The following CDH23 variants were observed in gnomAD, a reference collection of about 807,000 sequenced individuals.
CDH23 encodes cadherin related 23, also known as cadherin-23.
Under a neutral mutation model 317.1 loss-of-function variants are expected in CDH23, and 189 were observed. That is an observed-to-expected ratio of 0.60 (90% CI 0.53 to 0.67). The LOEUF is 0.67. Among genes scored for constraint, CDH23 ranks in the 30% least tolerant of loss-of-function variants. The pLI, the probability that CDH23 is intolerant of heterozygous loss-of-function variation, is 0.00. For synonymous variants in CDH23, 1,839 were observed against 1,876.8 expected (o/e 0.98, Z 0.52); for missense variants, 4,401 against 4,592.4 (o/e 0.96, Z 1.20).
chr10:71,655,071 A>T (rs1863360421), intron 14 of CDH23, among the ~76,000 whole-genome samples: 1 of 152,164 alleles, frequency 6.6e-6, no homozygotes, highest in South Asian at 2.1e-4. Context: ...CAGTGCCATG[A>T]TGCCACAATT....
chr10:71,465,855 G>A (rs181962632), intron 3 of CDH23, among the ~76,000 whole-genome samples: 92 of 151,868 alleles, frequency 6.1e-4, no homozygotes, highest in Admixed American at 2.1e-3. Context: ...AATTAGTGCC[G>A]GGTACTGAAC....
At chr10:71,587,024 G>A (rs1227296213) in intron 9 of CDH23, among the ~76,000 whole-genome samples, 2 of 152,232 alleles carry the variant, frequency 1.3e-5, no homozygotes, top group Non-Finnish European at 1.5e-5. Context: ...CTCTCTGGAT[G>A]TGTGCAAGAG....
intron 53 of CDH23, 102 bp downstream of exon 53, chr10:71,800,857 C>T (rs1841538993): frequency 2.7e-6 from 4 of 1,479,540 alleles, no homozygotes; most frequent in Non-Finnish European, 1.8e-6. Flanking sequence ...GGAGCAGAGC[C>T]CCCCGGTCCC....
rs1240497462 is a variant in CDH23 at position 71,677,406 on chromosome 10, C to T, written c.1515-50C>T. The T allele has an allele frequency of 1.2e-5, 17 of 1,462,758 alleles. No individual in the cohort carries two copies. In the African/African-American group the frequency reaches 1.7e-4, roughly 14 times the overall value. 90.6% of individuals were successfully genotyped at this position (1,462,758 alleles called of 1,614,324 possible). Reference sequence around the variant, plus strand: ...GGAAATGCCGGCCCCATCAACAAGCCTGTTTTAAACCACGGTGTTCCTTCT... The same window carrying T: ...GGAAATGCCGGCCCCATCAACAAGCTTGTTTTAAACCACGGTGTTCCTTCT... On this transcript the variant is annotated intron_variant, in intron 15 of 69. Coordinates refer to ENST00000224721, the MANE Select transcript of CDH23 (RefSeq NM_022124.6).
At chr10:71,564,419 A>G (rs1433001158) in intron 6 of CDH23, among the ~76,000 whole-genome samples, 2 of 152,226 alleles carry the variant, frequency 1.3e-5, no homozygotes, top group Non-Finnish European at 2.9e-5. Flanking sequence ...GCCCATTTAA[A>G]ACCTTCTCTA....
At chr10:71,647,077 T>A in intron 14 of CDH23, 14 of 985,408 alleles carry the variant, frequency 1.4e-5, no homozygotes, top group Non-Finnish European at 1.7e-5. Context: ...CCTCCCAGTG[T>A]CATTTGTATC....
intron 1 of CDH23, among the ~76,000 whole-genome samples, chr10:71,411,058 T>C (rs1017908744): frequency 6.6e-6 from 1 of 152,252 alleles, no homozygotes; most frequent in Admixed American, 6.5e-5. Context: ...GTAGTCTTGA[T>C]ATTGCCAGTG....
intron 3 of CDH23, among the ~76,000 whole-genome samples, chr10:71,497,602 G>A (rs7069884): frequency 0.017 from 2,593 of 152,292 alleles, 59 homozygotes; most frequent in African/African-American, 0.054. Context: ...CTTGGGAGCC[G>A]GGTTGGGTCT....
At chr10:71,803,509 G>A (rs1841619662) in intron 55 of CDH23, 89 bp downstream of exon 55, 2 of 1,212,264 alleles carry the variant, frequency 1.6e-6, no homozygotes, top group African/African-American at 3.1e-5. Flanking sequence ...CTCTAAAGGT[G>A]GGGAAACTTG....
chr10:71,724,208 C>T lies in CDH23; in HGVS notation c.3430+103C>T, dbSNP rs182261366. On this transcript the variant is annotated intron_variant, in intron 29 of 69. Coordinates refer to ENST00000224721, the MANE Select transcript of CDH23 (RefSeq NM_022124.6). ...CTGGGAGATGAGGCCAAGAGAACCC[C>T]CAGGGCCATATACATGGGGCGAGGC... 3.6e-4 allele frequency: 461 copies of T among 1,269,130 alleles called. 2 individuals are homozygous for T. The African/African-American group carries it at 5.4e-3, about 15-fold the overall frequency. 78.6% of individuals were successfully genotyped at this position (1,269,130 alleles called of 1,614,324 possible).
chr10:71,592,003 A>G (rs923365668), intron 9 of CDH23, among the ~76,000 whole-genome samples: 4 of 152,188 alleles, frequency 2.6e-5, no homozygotes, highest in African/African-American at 9.7e-5. Context: ...AGAAACATTT[A>G]AAGGACAGTG....
Position 71,694,181 on chromosome 10 carries a change from G to T in CDH23, c.2211G>T (p.Glu737Asp), listed in dbSNP as rs1865287338. 5.6e-6 allele frequency: 9 copies of T among 1,613,630 alleles called. No individual in the cohort carries two copies. Among genetic ancestry groups the T allele is most frequent in the African/African-American group, 1.3e-5 (1 of 74,866 alleles). Residue 737 changes from glutamate (E) to aspartate (D), a missense_variant, in exon 21 of 70, where the codon GAG (glutamate) becomes GAT (aspartate). Coordinates refer to ENST00000224721, the MANE Select transcript of CDH23 (RefSeq NM_022124.6). ...CCACCACGTCTCTGCTTGACCGAGA[G>T]ACCAAGTCTGAATACATCCTCATCG... The part of the protein sequence containing the change: ...EITTTSLLDR[E>D]TKSEYILIVR...
chr10:71,734,764 C>A (rs978101929), intron 34 of CDH23, 106 bp downstream of exon 34: 4 of 679,970 alleles, frequency 5.9e-6, no homozygotes, highest in South Asian at 1.3e-5. Context: ...AGAGAAGGCA[C>A]GTGGACAGGC....
chr10:71,426,222 T>C, intron 1 of CDH23, among the ~76,000 whole-genome samples: 1 of 152,148 alleles, frequency 6.6e-6, no homozygotes, highest in East Asian at 1.9e-4. Context: ...GGAGCAGTGA[T>C]GGGGTCAGCA....
At chr10:71,502,898 C>T (rs1314754723) in intron 3 of CDH23, among the ~76,000 whole-genome samples, 1 of 152,206 alleles carries the variant, frequency 6.6e-6, no homozygotes, top group Non-Finnish European at 1.5e-5. Flanking sequence ...AATAAAAAGC[C>T]CTGCAGCCTG....
In CDH23 at chr10:71,533,560, C is replaced by CACACACACAA. The variant is rs1554835387; in HGVS notation, c.429+22357_429+22358insAACACACACA. ...ACACACACACACACACACACACACA[C>CACACACACAA]ACACACACACTGGCTGGGGCTGCAG... On this transcript the variant is annotated intron_variant, in intron 6 of 69. Coordinates refer to ENST00000224721, the MANE Select transcript of CDH23 (RefSeq NM_022124.6). Among the ~76,000 whole-genome samples, 117 of 141,572 alleles carry CACACACACAA rather than the reference C, an allele frequency of 8.3e-4. 1 individual carries two copies. Among genetic ancestry groups the CACACACACAA allele is most frequent in the African/African-American group, 2.9e-3 (116 of 39,676 alleles). The allele number at this position is 141,572 out of a possible 152,430, so 92.9% of individuals were successfully genotyped here.
chr10:71,807,820 C>G (rs1179851184), intron 59 of CDH23, 26 bp from the exon 60 acceptor site: 13 of 1,592,376 alleles, frequency 8.2e-6, no homozygotes, highest in Non-Finnish European at 1.1e-5. Context: ...TGCCCTGCCA[C>G]TTACACCACC....
chr10:71,631,213 A>G (rs1209376892), intron 11 of CDH23, among the ~76,000 whole-genome samples: 2 of 152,250 alleles, frequency 1.3e-5, no homozygotes, highest in Non-Finnish European at 1.5e-5. Flanking sequence ...ACTGCACTCC[A>G]GCCTGGGCAA....
At chr10:71,761,458 A>G in intron 38 of CDH23, 1 of 1,038,694 alleles carries the variant, frequency 9.6e-7, no homozygotes, top group African/African-American at 1.6e-5. Flanking sequence ...TGACCACCCC[A>G]TCTCACCCAC....
Sources: allele counts gnomAD v4.1 joint callset (sites outside exome capture counted in the v4.1 genomes callset), GRCh38; gene constraint gnomAD v4.1.1; transcripts MANE v1.5; gene names NCBI Gene and HGNC (gene_info 2026-07-23, HGNC 2026-07-21).